Variants in UTRN observed in about 807,000 individuals in gnomAD.
UTRN encodes dystrophin-related protein 1.
UTRN carries 283 observed loss-of-function variants against 463.9 expected under a neutral mutation model. That is an observed-to-expected ratio of 0.61 (90% CI 0.55 to 0.67). The LOEUF (loss-of-function observed/expected upper bound fraction) is 0.67, where lower values mean the gene tolerates loss of function less well. Ranked by LOEUF, UTRN falls within the 30% of genes least tolerant of loss-of-function variation. The pLI is 0.00. For missense variants in UTRN, 3,922 were observed against 4,084.3 expected (o/e 0.96, Z 1.08); for synonymous variants, 1,442 against 1,431.5 (o/e 1.01, Z -0.17).
At chr6:144,824,572 T>TTTTA (rs1459899083) in intron 66 of UTRN, among the ~76,000 whole-genome samples, 1 of 37,902 alleles carries the variant, frequency 2.6e-5, no homozygotes, top group Non-Finnish European at 4.8e-5. Context: ...AGCATTTTAT[T>TTTTA]TATATATATA....
At chr6:144,455,683 G>C (rs888006676) in intron 19 of UTRN, among the ~76,000 whole-genome samples, 2 of 152,168 alleles carry the variant, frequency 1.3e-5, no homozygotes, top group Non-Finnish European at 2.9e-5. Context: ...GGCAAACTTG[G>C]ATTCTCCTGT....
In UTRN at chr6:144,502,966, CATT is replaced by C. The variant is rs1794339411; in HGVS notation, c.4764+3540_4764+3542del. ...TTCTACCTGGTGTGAGATGGTATCT[CATT>C]GTAGTTTTGATTTGCATTTCTGTAA... On this transcript the variant is annotated intron_variant, in intron 34 of 74. Coordinates refer to ENST00000367545, the MANE Select transcript of UTRN (RefSeq NM_007124.3). Among the ~76,000 whole-genome samples, 4 of 152,286 alleles carry C rather than the reference CATT, an allele frequency of 2.6e-5. No homozygotes were observed. The South Asian group carries it at 8.3e-4, about 32-fold the overall frequency.
At chr6:144,492,394 A>G (rs764249236) in intron 32 of UTRN, among the ~76,000 whole-genome samples, 1 of 152,090 alleles carries the variant, frequency 6.6e-6, no homozygotes, top group Non-Finnish European at 1.5e-5. Context: ...GTGTATTTGT[A>G]CCACGTTTTC....
intron 50 of UTRN, among the ~76,000 whole-genome samples, chr6:144,574,527 G>A (rs576649470): frequency 6.6e-6 from 1 of 152,124 alleles, no homozygotes; most frequent in South Asian, 2.1e-4. Flanking sequence ...TACCAATAAG[G>A]CTGCTATATA....
At chr6:144,708,507 C>T (rs1562797418) in intron 53 of UTRN, 1 of 440,462 alleles carries the variant, frequency 2.3e-6, no homozygotes, top group Non-Finnish European at 4.3e-6. Context: ...TCTAAGACAC[C>T]AGAGAGGTCC....
chr6:144,544,076 C>T (rs1562551315), intron 46 of UTRN, among the ~76,000 whole-genome samples: 1 of 152,090 alleles, frequency 6.6e-6, no homozygotes, highest in Non-Finnish European at 1.5e-5. Flanking sequence ...GGTAAAGGAG[C>T]AGGGAAAATT....
intron 51 of UTRN, among the ~76,000 whole-genome samples, chr6:144,644,128 C>T (rs1449513993): frequency 6.6e-6 from 1 of 152,100 alleles, no homozygotes; most frequent in Non-Finnish European, 1.5e-5. Context: ...GAAGGAAAAG[C>T]AAAACCCTAT....
At chr6:144,625,038 G>A (rs1202169696) in intron 51 of UTRN, among the ~76,000 whole-genome samples, 5 of 152,138 alleles carry the variant, frequency 3.3e-5, no homozygotes, top group Non-Finnish European at 7.4e-5. Context: ...CACAGCAGTG[G>A]CTAAAATTGA....
chr6:144,561,122 G>A (rs1035423260), intron 50 of UTRN, among the ~76,000 whole-genome samples: 6 of 147,336 alleles, frequency 4.1e-5, no homozygotes, highest in Non-Finnish European at 7.5e-5. Flanking sequence ...TGTGTTTATA[G>A]CACAGTCAGT....
intron 51 of UTRN, among the ~76,000 whole-genome samples, chr6:144,584,031 T>G (rs1213908899): frequency 6.6e-6 from 1 of 152,314 alleles, no homozygotes; most frequent in East Asian, 1.9e-4. Flanking sequence ...TATAGCTAAT[T>G]GCTTTTTCAA....
Position 144,840,577 on chromosome 6 carries a change from A to T in UTRN, c.10178-163A>T, listed in dbSNP as rs74318974. ...ATTATATTACCAACACTCAAGCAAA[A>T]ATGTTTTGGGTATATTCCCCTAAAA... On this transcript the variant is annotated intron_variant, in intron 72 of 74. Coordinates refer to ENST00000367545, the MANE Select transcript of UTRN (RefSeq NM_007124.3). Among the ~76,000 whole-genome samples, 1,174 of 152,302 alleles carry T rather than the reference A, an allele frequency of 7.7e-3. 9 individuals carry two copies. The highest frequency in any genetic ancestry group is 0.013 in the South Asian group (63 of 4,824).
At chr6:144,586,999 T>C (rs1455514551) in intron 51 of UTRN, among the ~76,000 whole-genome samples, 1 of 152,232 alleles carries the variant, frequency 6.6e-6, no homozygotes, top group Non-Finnish European at 1.5e-5. Flanking sequence ...TATATAGATG[T>C]GTATTCATTT....
intron 51 of UTRN, among the ~76,000 whole-genome samples, chr6:144,614,957 C>T (rs993015632): frequency 1.3e-5 from 2 of 152,064 alleles, no homozygotes; most frequent in African/African-American, 4.8e-5. Flanking sequence ...ATTTCAAAGG[C>T]ACAAATTAGA....
intron 3 of UTRN, among the ~76,000 whole-genome samples, chr6:144,419,969 CACAG>C (rs1329071088): frequency 1.9e-5 from 1 of 51,878 alleles, no homozygotes; most frequent in African/African-American, 5.6e-5. Flanking sequence ...CGCACACAGA[CACAG>C]ACACACACAC....
intron 51 of UTRN, among the ~76,000 whole-genome samples, chr6:144,601,552 T>C (rs1046734265): frequency 2.0e-5 from 3 of 152,166 alleles, no homozygotes; most frequent in African/African-American, 7.2e-5. Context: ...GTGGTAAAAC[T>C]TGAATTGTTG....
At position 144,546,403 on chromosome 6, in the gene UTRN, G is replaced by A. The variant is rs78401650; in HGVS notation, c.6596-2237G>A. ...TTGCTTTTGTGAGTGATAGTTATCCGTATTTACCTAACTAGAAAAATTTTC... is the reference window on the plus strand; with the variant it reads ...TTGCTTTTGTGAGTGATAGTTATCCATATTTACCTAACTAGAAAAATTTTC... On this transcript the variant is annotated intron_variant, in intron 46 of 74. Transcript: ENST00000367545. 3.9e-5 allele frequency among the ~76,000 whole-genome samples: 6 copies of A among 152,204 alleles called. No individual in the cohort carries two copies. In the South Asian group the frequency reaches 8.3e-4, roughly 21 times the overall value.
intron 2 of UTRN, among the ~76,000 whole-genome samples, chr6:144,347,594 G>A (rs1367898493): frequency 6.6e-6 from 1 of 152,208 alleles, no homozygotes; most frequent in Admixed American, 6.5e-5. Flanking sequence ...AACAGTGGCT[G>A]TCATCTTGGA....
chr6:144,846,176 G>T (rs1420880085), intron 73 of UTRN, among the ~76,000 whole-genome samples: 1 of 152,146 alleles, frequency 6.6e-6, no homozygotes, highest in Non-Finnish European at 1.5e-5. Flanking sequence ...TATGGGCTCT[G>T]GAACCAAAAA....
chr6:144,796,135 A>G (rs1377336212), intron 63 of UTRN, among the ~76,000 whole-genome samples: 2 of 152,158 alleles, frequency 1.3e-5, no homozygotes, highest in African/African-American at 4.8e-5. Flanking sequence ...GCATATGGCT[A>G]GCCAGTTTTC....
Sources: gnomAD v4.1 joint callset for allele counts (sites outside exome capture counted in the v4.1 genomes callset) on GRCh38, gnomAD v4.1.1 for gene constraint, MANE v1.5 for transcripts, NCBI Gene and HGNC (gene_info 2026-07-23, HGNC 2026-07-21) for gene names.